The following WDR64 variants were observed in gnomAD, a reference collection of about 807,000 sequenced individuals.
WDR64 encodes the protein WD repeat-containing protein 64.
Under a neutral mutation model 139.3 loss-of-function variants are expected in WDR64, and 112 were observed. The ratio of observed to expected loss-of-function variants is 0.80; its 90% CI spans 0.69 to 0.94. WDR64 has a LOEUF of 0.94. Ranked by LOEUF, WDR64 falls within the 40% of genes least tolerant of loss-of-function variation. The pLI, the probability that WDR64 is intolerant of heterozygous loss-of-function variation, is 0.00. For synonymous variants in WDR64, 444 were observed against 437.7 expected (o/e 1.01, Z -0.18); for missense variants, 1,206 against 1,293.1 (o/e 0.93, Z 1.03).
chr1:241,757,652 T>G (rs900571561), intron 15 of WDR64, among the ~76,000 whole-genome samples, 193 bp downstream of exon 15: 1,911 of 84,386 alleles, frequency 0.023, 13 homozygotes, highest in Non-Finnish European at 0.036. Flanking sequence ...TGGATTTGTT[T>G]TTTTTTTTTT....
In WDR64 at chr1:241,801,974, G is replaced by A. The variant is rs1659539081; in HGVS notation, c.*759G>A. 4 of 396,974 alleles carry A rather than the reference G, an allele frequency of 1.0e-5. No individual in the cohort carries two copies. The highest frequency in any genetic ancestry group is 1.3e-5 in the Non-Finnish European group (3 of 225,622). 24.6% of individuals were successfully genotyped at this position (396,974 alleles called of 1,614,324 possible). A position where few individuals can be genotyped will look rare whatever the true frequency, so the allele number is the denominator to read the frequency against. On this transcript the variant is annotated 3_prime_UTR_variant, in exon 28 of 28. Coordinates refer to ENST00000437684, the MANE Select transcript of WDR64 (RefSeq NM_001367482.1). ...TACAAGAAACACATCTAACATACAA[G>A]GACACCAAACTCTTAAAGATAAAAG...
At chr1:241,720,511 T>C (rs1278539766) in intron 9 of WDR64, among the ~76,000 whole-genome samples, 1 of 152,208 alleles carries the variant, frequency 6.6e-6, no homozygotes, top group Non-Finnish European at 1.5e-5. Flanking sequence ...TGGCATGAGA[T>C]GGTATCTCAT....
At chr1:241,680,785 G>GGGCTCT (rs140549671) in intron 6 of WDR64, among the ~76,000 whole-genome samples, 83 of 151,672 alleles carry the variant, frequency 5.5e-4, no homozygotes, top group African/African-American at 2.0e-3. Context: ...CTTCGGGTCT[G>GGGCTCT]CAGTAGCTTC....
chr1:241,797,603 A>G (rs781614750), intron 27 of WDR64, among the ~76,000 whole-genome samples: 2 of 152,230 alleles, frequency 1.3e-5, no homozygotes, highest in African/African-American at 4.8e-5. Context: ...CTTTGCCATA[A>G]TAATGTTAGC....
intron 23 of WDR64, among the ~76,000 whole-genome samples, chr1:241,784,038 T>G (rs1367097638): frequency 6.6e-6 from 1 of 152,160 alleles, no homozygotes; most frequent in Non-Finnish European, 1.5e-5. Flanking sequence ...TTAGGGAATT[T>G]CAATGGAATC....
chr1:241,737,895 A>G (rs1323016879), intron 10 of WDR64, among the ~76,000 whole-genome samples: 5 of 152,180 alleles, frequency 3.3e-5, no homozygotes, highest in Non-Finnish European at 7.4e-5. Flanking sequence ...ATCTGGGCAA[A>G]TGGAGAGGGA....
chr1:241,664,620 C>T (rs1405041858), intron 2 of WDR64, among the ~76,000 whole-genome samples: 1 of 151,984 alleles, frequency 6.6e-6, no homozygotes, highest in East Asian at 1.9e-4. Context: ...GGAAATCAAG[C>T]CTCATTGTCT....
intron 2 of WDR64, among the ~76,000 whole-genome samples, chr1:241,663,226 C>A (rs1474510289): frequency 6.6e-6 from 1 of 152,194 alleles, no homozygotes; most frequent in Non-Finnish European, 1.5e-5. Flanking sequence ...ACCAACTGTT[C>A]CCGAATTGAC....
At chr1:241,694,735 T>A (rs1335419558) in intron 8 of WDR64, among the ~76,000 whole-genome samples, 1 of 152,142 alleles carries the variant, frequency 6.6e-6, no homozygotes, top group Non-Finnish European at 1.5e-5. Context: ...GATACACAAA[T>A]CTATAGCCTC....
intron 3 of WDR64, 117 bp from the exon 4 acceptor site, chr1:241,674,527 T>C: frequency 1.6e-6 from 1 of 608,398 alleles, no homozygotes; most frequent in East Asian, 3.1e-5. Context: ...AATTCTGGGA[T>C]TACAGGAGTG....
chr1:241,691,869 C>T (rs1667311213), intron 8 of WDR64, among the ~76,000 whole-genome samples: 1 of 151,968 alleles, frequency 6.6e-6, no homozygotes, highest in Non-Finnish European at 1.5e-5. Flanking sequence ...AGAAATTAGC[C>T]AGGCATGATG....
intron 8 of WDR64, among the ~76,000 whole-genome samples, chr1:241,687,898 T>A (rs560893254): frequency 1.6e-4 from 25 of 152,280 alleles, no homozygotes; most frequent in African/African-American, 5.8e-4. Context: ...TTGGTAAAAT[T>A]TTATAATTTT....
At chr1:241,723,652 G>A (rs1164739060) in intron 10 of WDR64, among the ~76,000 whole-genome samples, 1 of 151,872 alleles carries the variant, frequency 6.6e-6, no homozygotes. Flanking sequence ...AAGTGTAAAA[G>A]AAAAACAATA....
chr1:241,781,225 ATAT>A (rs1658833918), intron 22 of WDR64, among the ~76,000 whole-genome samples: 2 of 152,232 alleles, frequency 1.3e-5, no homozygotes, highest in South Asian at 4.1e-4. Context: ...TTATAGAATA[ATAT>A]TGAGTTACAA....
At chr1:241,743,616 T>C (rs1357194716) in intron 12 of WDR64, among the ~76,000 whole-genome samples, 1 of 152,200 alleles carries the variant, frequency 6.6e-6, no homozygotes, top group Non-Finnish European at 1.5e-5. Flanking sequence ...TAGAGTGCAA[T>C]CATTCTGTGT....
intron 9 of WDR64, among the ~76,000 whole-genome samples, chr1:241,717,724 T>C (rs1422190203): frequency 6.6e-6 from 1 of 152,174 alleles, no homozygotes; most frequent in Non-Finnish European, 1.5e-5. Context: ...AGATTTGACA[T>C]ACTCTTTACA....
intron 13 of WDR64, among the ~76,000 whole-genome samples, chr1:241,746,583 A>T (rs12759181): frequency 0.28 from 42,779 of 151,374 alleles, 6,395 homozygotes; most frequent in African/African-American, 0.35. Context: ...AAAAAAAAAA[A>T]TTTTCAACAG....
intron 20 of WDR64, among the ~76,000 whole-genome samples, chr1:241,774,237 A>T (rs1658568859): frequency 6.6e-6 from 1 of 152,226 alleles, no homozygotes; most frequent in Non-Finnish European, 1.5e-5. Context: ...ACAACACGGA[A>T]CCGCATGGCT....
intron 23 of WDR64, among the ~76,000 whole-genome samples, chr1:241,784,832 T>C (rs1161177449): frequency 6.7e-6 from 1 of 149,036 alleles, no homozygotes; most frequent in Non-Finnish European, 1.5e-5. Context: ...CATGAGCCTG[T>C]AATCCCAGCT....
Sources: gnomAD v4.1 joint callset for allele counts (sites outside exome capture counted in the v4.1 genomes callset) on GRCh38, gnomAD v4.1.1 for gene constraint, MANE v1.5 for transcripts, NCBI Gene and HGNC (gene_info 2026-07-23, HGNC 2026-07-21) for gene names.